CNTNAP5: variants seen among roughly 807,000 people sequenced by gnomAD.
CNTNAP5 encodes contactin associated protein family member 5, also known as contactin-associated protein-like 5.
CNTNAP5 carries 72 observed loss-of-function variants against 150.2 expected under a neutral mutation model. That is an observed-to-expected ratio of 0.48 (90% CI 0.40 to 0.58). The LOEUF (loss-of-function observed/expected upper bound fraction) is 0.58, where lower values mean the gene tolerates loss of function less well. CNTNAP5 is among the 20% of genes least tolerant of loss of function. CNTNAP5 has a pLI of 0.00. For missense variants in CNTNAP5, 1,636 were observed against 1,626.2 expected (o/e 1.01, Z -0.10); for synonymous variants, 672 against 619.8 (o/e 1.08, Z -1.25).
chr2:124,888,491 A>G lies in CNTNAP5; in HGVS notation c.3437-14391A>G, dbSNP rs778071828. Among the ~76,000 whole-genome samples, 61 of 152,042 alleles carry G rather than the reference A, an allele frequency of 4.0e-4. 1 individual carries two copies. The highest frequency in any genetic ancestry group is 2.7e-3 in the Admixed American group (41 of 15,252). ...TAATGGGATTGCTGTGTTGAATGGT[A>G]GTTCTGTTTTAATATCCTTGAGGAC... is the stretch of plus-strand genomic sequence containing the variant. On this transcript the variant is annotated intron_variant, in intron 21 of 23. Transcript: ENST00000682447.
intron 19 of CNTNAP5, among the ~76,000 whole-genome samples, chr2:124,858,854 T>C (rs1221378277): frequency 1.3e-5 from 2 of 152,060 alleles, no homozygotes; most frequent in Non-Finnish European, 2.9e-5. Flanking sequence ...TGGCTAGACA[T>C]ATGAAGAAAG....
intron 14 of CNTNAP5, among the ~76,000 whole-genome samples, chr2:124,756,223 T>C (rs2105156033): frequency 6.6e-6 from 1 of 152,284 alleles, no homozygotes; most frequent in South Asian, 2.1e-4. Flanking sequence ...TGAGATACCA[T>C]CTTATACCAG....
intron 1 of CNTNAP5, among the ~76,000 whole-genome samples, chr2:124,128,107 A>G (rs1683757890): frequency 6.6e-6 from 1 of 152,216 alleles, no homozygotes; most frequent in Non-Finnish European, 1.5e-5. Context: ...AGAAACTACC[A>G]TCAGAGTGAA....
intron 4 of CNTNAP5, among the ~76,000 whole-genome samples, chr2:124,431,889 G>C (rs116703496): frequency 1.3e-5 from 2 of 152,006 alleles, no homozygotes; most frequent in Admixed American, 6.6e-5. Context: ...GTGAGTAGTA[G>C]AGCTGCTCTA....
intron 12 of CNTNAP5, among the ~76,000 whole-genome samples, chr2:124,622,585 C>A (rs781692306): frequency 6.6e-6 from 1 of 152,058 alleles, no homozygotes; most frequent in Non-Finnish European, 1.5e-5. Context: ...ATACTCCCAC[C>A]GACAGTGTAA....
intron 1 of CNTNAP5, among the ~76,000 whole-genome samples, chr2:124,186,262 C>T (rs534232492): frequency 3.0e-4 from 45 of 152,312 alleles, no homozygotes; most frequent in African/African-American, 1.0e-3. Flanking sequence ...CATATGAAGA[C>T]ATCTATTCTA....
At chr2:124,511,001 T>C (rs564030050) in intron 8 of CNTNAP5, among the ~76,000 whole-genome samples, 2 of 152,332 alleles carry the variant, frequency 1.3e-5, no homozygotes, top group African/African-American at 4.8e-5. Flanking sequence ...CACATGGTCA[T>C]GTGGTCATGA....
intron 7 of CNTNAP5, among the ~76,000 whole-genome samples, chr2:124,476,218 A>G (rs1693636857): frequency 6.6e-6 from 1 of 152,118 alleles, no homozygotes; most frequent in African/African-American, 2.4e-5. Context: ...AACCATTTCT[A>G]TATATTTAGA....
intron 1 of CNTNAP5, among the ~76,000 whole-genome samples, chr2:124,113,398 A>C (rs1273426240): frequency 6.6e-6 from 1 of 152,076 alleles, no homozygotes; most frequent in Non-Finnish European, 1.5e-5. Context: ...GAAGTACTCT[A>C]TACCTCTATG....
chr2:124,344,808 G>A (rs1387551889), intron 3 of CNTNAP5, among the ~76,000 whole-genome samples: 2 of 152,058 alleles, frequency 1.3e-5, no homozygotes, highest in African/African-American at 4.8e-5. Flanking sequence ...AGATGTAAAT[G>A]GTAAAACACA....
At chr2:124,805,497 G>A (rs1195603664) in intron 19 of CNTNAP5, among the ~76,000 whole-genome samples, 1 of 152,074 alleles carries the variant, frequency 6.6e-6, no homozygotes, top group Non-Finnish European at 1.5e-5. Flanking sequence ...GAGCTAGCTG[G>A]GCAGCATGTG....
chr2:124,588,177 C>CTTCTTTCTTTCTTTCT (rs746237108), intron 11 of CNTNAP5, among the ~76,000 whole-genome samples: 4 of 110,820 alleles, frequency 3.6e-5, no homozygotes, highest in Non-Finnish European at 4.0e-5. Flanking sequence ...TCCTTCCTTC[C>CTTCTTTCTTTCTTTCT]TTCTTTCTTT....
intron 13 of CNTNAP5, among the ~76,000 whole-genome samples, chr2:124,728,390 C>T: frequency 6.6e-6 from 1 of 151,936 alleles, no homozygotes; most frequent in East Asian, 1.9e-4. Context: ...GCTTAGAATT[C>T]ACCAGTGAAG....
chr2:124,594,268 A>C (rs1420034647), intron 11 of CNTNAP5, among the ~76,000 whole-genome samples: 3 of 134,794 alleles, frequency 2.2e-5, no homozygotes, highest in Non-Finnish European at 4.8e-5. Flanking sequence ...TTATGGTTTT[A>C]GGTCTAACGT....
At chr2:124,435,015 C>T (rs1461224521) in intron 5 of CNTNAP5, among the ~76,000 whole-genome samples, 1 of 152,156 alleles carries the variant, frequency 6.6e-6, no homozygotes, top group East Asian at 1.9e-4. Flanking sequence ...TGCTCAGAAT[C>T]TATGCTATTA....
At chr2:124,174,936 G>T (rs1685024741) in intron 1 of CNTNAP5, among the ~76,000 whole-genome samples, 1 of 152,156 alleles carries the variant, frequency 6.6e-6, no homozygotes, top group Admixed American at 6.6e-5. Context: ...ACTGAGGCAA[G>T]ACCCTCCACC....
At chr2:124,487,220 C>A (rs756754643) in intron 7 of CNTNAP5, among the ~76,000 whole-genome samples, 6 of 152,140 alleles carry the variant, frequency 3.9e-5, no homozygotes, top group African/African-American at 4.8e-5. Context: ...TATTCAAATT[C>A]ATCCCCAAGG....
In CNTNAP5 at chr2:124,434,694, T is replaced by C. The variant is rs1318263507; in HGVS notation, c.733+7T>C. 1.3e-6 allele frequency: 2 copies of C among 1,599,610 alleles called. No homozygotes were observed. The highest frequency in any genetic ancestry group is 1.3e-5 in the African/African-American group (1 of 74,682). On this transcript the variant is annotated splice_region_variant and intron_variant, in intron 5 of 23. Coordinates refer to ENST00000682447, the MANE Select transcript of CNTNAP5 (RefSeq NM_001367498.1). ...GCCCTACACCTCAATTTGGGTAGGC[T>C]CAGACTTCCTCTTCCAATGCCAAGG...
intron 3 of CNTNAP5, among the ~76,000 whole-genome samples, chr2:124,245,541 G>C (rs1686994624): frequency 6.6e-6 from 1 of 151,616 alleles, no homozygotes; most frequent in African/African-American, 2.4e-5. Context: ...CTGGCTTAAA[G>C]GTGGTTTATC....
Sources: gnomAD v4.1 joint callset for allele counts (sites outside exome capture counted in the v4.1 genomes callset) on GRCh38, gnomAD v4.1.1 for gene constraint, MANE v1.5 for transcripts, NCBI Gene and HGNC (gene_info 2026-07-23, HGNC 2026-07-21) for gene names.